Variants in ATXN8OS observed in about 807,000 individuals in gnomAD.
The protein encoded by ATXN8OS is ATXN8 opposite strand lncRNA.
intron 1 of ATXN8OS, among the ~76,000 whole-genome samples, chr13:70,112,368 A>G (rs1351455786): frequency 6.6e-6 from 1 of 152,186 alleles, no homozygotes; most frequent in Admixed American, 6.5e-5. Context: ...ATTATATAGA[A>G]CTTTTAATGT....
chr13:70,141,352 A>C (rs1034567582), intron 3 of ATXN8OS, among the ~76,000 whole-genome samples: 5 of 152,226 alleles, frequency 3.3e-5, no homozygotes. Context: ...ACCCAACTGC[A>C]TGTGGCAACC....
At chr13:70,109,569 C>A (rs569810390) in intron 1 of ATXN8OS, among the ~76,000 whole-genome samples, 65 of 152,096 alleles carry the variant, frequency 4.3e-4, no homozygotes, top group Non-Finnish European at 8.5e-4. Flanking sequence ...ATTAAGTGCA[C>A]AAAAGACCTA....
At chr13:70,166,144 A>G (rs1889073032) in intron 4 of ATXN8OS, among the ~76,000 whole-genome samples, 1 of 151,996 alleles carries the variant, frequency 6.6e-6, no homozygotes, top group South Asian at 2.1e-4. Context: ...TTGTCAACCA[A>G]TTCCTTTCAA....
At chr13:70,163,166 T>A (rs1889030793) in intron 4 of ATXN8OS, among the ~76,000 whole-genome samples, 1 of 152,244 alleles carries the variant, frequency 6.6e-6, no homozygotes, top group Admixed American at 6.5e-5. Context: ...AACTGTTATG[T>A]TTCTAAATAA....
Position 70,132,858 on chromosome 13 carries a change from A to ATTT in ATXN8OS, n.499+2983_499+2985dup, listed in dbSNP as rs71196273. 2.0e-4 allele frequency among the ~76,000 whole-genome samples: 28 copies of ATTT among 139,044 alleles called. No individual in the cohort carries two copies. In the East Asian group the frequency reaches 2.7e-3, roughly 13 times the overall value. 91.2% of individuals were successfully genotyped at this position (139,044 alleles called of 152,430 possible). Reference sequence around the variant, plus strand: ...ATTATTAGCTTAACAACTAAAGTCTATTTTTTTTTTTGCATGTGCAAAGTC... The same window carrying ATTT: ...ATTATTAGCTTAACAACTAAAGTCTATTTTTTTTTTTTTTGCATGTGCAAAGTC... On this transcript the variant is annotated intron_variant and non_coding_transcript_variant, in intron 3 of 4. Transcript: ENST00000678624.
rs561563851 is a variant in ATXN8OS, at chr13:70,134,530, T to C, written n.499+4646T>C. Among the ~76,000 whole-genome samples the C allele has an allele frequency of 3.9e-5, 6 of 152,260 alleles. No individual in the cohort carries two copies. The South Asian group carries it at 1.2e-3, about 32-fold the overall frequency. ...ACTGGTTACCATGCCAGGGAAGGAC[T>C]CCAACTACATGGAGGATAGCAAAGC... On this transcript the variant is annotated intron_variant and non_coding_transcript_variant, in intron 3 of 4. Transcript: ENST00000678624.
intron 4 of ATXN8OS, among the ~76,000 whole-genome samples, chr13:70,163,104 T>A (rs574250921): frequency 1.3e-5 from 2 of 152,218 alleles, no homozygotes; most frequent in African/African-American, 4.8e-5. Context: ...CTATCAATAA[T>A]TATAATAACA....
Position 70,111,855 on chromosome 13 carries a change from A to C in ATXN8OS, n.241-3286A>C, listed in dbSNP as rs185071020. ...ATGGCTAATTATGCTCAAATTTGAA[A>C]GTTCATGCCTTAAAATGGCTCCTGT... is the stretch of plus-strand genomic sequence containing the variant. On this transcript the variant is annotated intron_variant and non_coding_transcript_variant, in intron 1 of 4. Coordinates refer to ENST00000678624, the Ensembl canonical transcript of ATXN8OS. Among the ~76,000 whole-genome samples the C allele has an allele frequency of 3.6e-3, 547 of 152,332 alleles. 2 individuals carry two copies. The highest frequency in any genetic ancestry group is 0.012 in the African/African-American group (515 of 41,572).
At chr13:70,151,500 A>G (rs1020131146) in intron 4 of ATXN8OS, among the ~76,000 whole-genome samples, 1 of 152,082 alleles carries the variant, frequency 6.6e-6, no homozygotes, top group African/African-American at 2.4e-5. Flanking sequence ...ATGTATAGAG[A>G]AGAAGGAAGT....
chr13:70,119,341 T>A (rs1204200577), intron 2 of ATXN8OS, among the ~76,000 whole-genome samples: 1 of 152,106 alleles, frequency 6.6e-6, no homozygotes, highest in African/African-American at 2.4e-5. Context: ...TTACAGGCTA[T>A]AGAGAGTTAT....
intron 2 of ATXN8OS, among the ~76,000 whole-genome samples, chr13:70,123,476 T>C (rs1397849152): frequency 2.0e-5 from 3 of 152,150 alleles, no homozygotes; most frequent in Non-Finnish European, 4.4e-5. Flanking sequence ...CACCCCTATG[T>C]TCCTACGACA....
At chr13:70,167,569 G>C (rs192281887) in intron 4 of ATXN8OS, among the ~76,000 whole-genome samples, 1 of 151,950 alleles carries the variant, frequency 6.6e-6, no homozygotes, top group African/African-American at 2.4e-5. Context: ...TAAATGAAGA[G>C]TTAATGGGTG....
intron 1 of ATXN8OS, among the ~76,000 whole-genome samples, chr13:70,113,667 T>G (rs189633338): frequency 6.6e-6 from 1 of 152,288 alleles, no homozygotes; most frequent in East Asian, 1.9e-4. Flanking sequence ...TATAACTTTG[T>G]GGATATTTTA....
At chr13:70,143,004 C>T (rs1014520922) in intron 3 of ATXN8OS, among the ~76,000 whole-genome samples, 3 of 151,230 alleles carry the variant, frequency 2.0e-5, no homozygotes, top group African/African-American at 7.3e-5. Context: ...ACCCGGGAGG[C>T]AGAGGTTGCC....
chr13:70,129,762 C>G, intron 2 of ATXN8OS: 1 of 398,372 alleles, frequency 2.5e-6, no homozygotes, highest in Admixed American at 4.4e-5. Context: ...CCTGAACTCT[C>G]TCTCTGCTTT....
chr13:70,139,421 TGC>T, intron 3 of ATXN8OS: 1 of 786,122 alleles, frequency 1.3e-6, no homozygotes, highest in Non-Finnish European at 2.1e-6. Flanking sequence ...CTGCTGCTGC[TGC>T]TGCTGCATTT....
chr13:70,156,608 T>G (rs753947553), intron 4 of ATXN8OS, among the ~76,000 whole-genome samples: 6 of 151,978 alleles, frequency 3.9e-5, no homozygotes, highest in Non-Finnish European at 2.9e-5. Flanking sequence ...CACGTTACTC[T>G]TTTTTTTGAA....
intron 4 of ATXN8OS, among the ~76,000 whole-genome samples, chr13:70,155,798 A>G (rs565418591): frequency 1.4e-5 from 1 of 72,932 alleles, no homozygotes; most frequent in African/African-American, 1.0e-4. Context: ...AAACTGAGAC[A>G]AAAAAAAAAT....
At chr13:70,137,044 ATCAT>A (rs1249514838) in intron 3 of ATXN8OS, among the ~76,000 whole-genome samples, 4 of 152,210 alleles carry the variant, frequency 2.6e-5, no homozygotes, top group African/African-American at 9.6e-5. Context: ...TCCATTGCCA[ATCAT>A]TCAAAGTTCC....
Sources: gnomAD v4.1 joint callset for allele counts (sites outside exome capture counted in the v4.1 genomes callset) on GRCh38, gnomAD v4.1.1 for gene constraint, MANE v1.5 for transcripts, NCBI Gene and HGNC (gene_info 2026-07-23, HGNC 2026-07-21) for gene names.